Variants in DDX52 observed in about 807,000 individuals in gnomAD.
DDX52 encodes the protein DExD-box helicase 52, also known as probable ATP-dependent RNA helicase DDX52.
Under a neutral mutation model 76.1 loss-of-function variants are expected in DDX52, and 59 were observed. That is an observed-to-expected ratio of 0.78 (90% confidence interval 0.63 to 0.96). The LOEUF is 0.96. DDX52 is among the 40% of genes least tolerant of loss of function. The pLI, the probability that DDX52 is intolerant of heterozygous loss-of-function variation, is 0.00. For synonymous variants in DDX52, 231 were observed against 244.1 expected (o/e 0.95, Z 0.50); for missense variants, 707 against 703.9 (o/e 1.00, Z -0.05).
chr17:37,614,128 G>A lies in DDX52; in HGVS notation c.*168C>T, dbSNP rs1598748777. On this transcript the variant is annotated 3_prime_UTR_variant, in exon 15 of 15. Transcript: ENST00000617633. ...GAAAAAAAAAAGGCACCTACAAATT[G>A]AAACTGACTTGATAGTTTAGGATCA... The A allele has an allele frequency of 4.4e-6, 3 of 681,512 alleles. No individual in the cohort carries two copies. In the East Asian group the frequency reaches 9.5e-5, roughly 22 times the overall value. 42.2% of individuals were successfully genotyped at this position (681,512 alleles called of 1,614,324 possible). A position where few individuals can be genotyped will look rare whatever the true frequency, so the allele number is the denominator to read the frequency against.
chr17:37,636,788 A>G (rs1024336741), intron 2 of DDX52, among the ~76,000 whole-genome samples: 3 of 152,244 alleles, frequency 2.0e-5, no homozygotes, highest in Non-Finnish European at 4.4e-5. Flanking sequence ...AGTCTGTAGC[A>G]GCAGACCACC....
chr17:37,619,626 C>G, intron 13 of DDX52, 142 bp downstream of exon 13: 1 of 647,544 alleles, frequency 1.5e-6, no homozygotes, highest in Non-Finnish European at 2.6e-6. Context: ...GCAGGAGGAT[C>G]ACTTGAGCCT....
chr17:37,614,454 G>A (rs1598748925), intron 14 of DDX52, 101 bp from the exon 15 acceptor site: 1 of 1,147,442 alleles, frequency 8.7e-7, no homozygotes, highest in South Asian at 1.5e-5. Flanking sequence ...GAAACCTACT[G>A]TGTATCAAAT....
At chr17:37,628,767 C>T (rs1244329325) in intron 5 of DDX52, 95 bp from the exon 6 acceptor site, 6 of 865,960 alleles carry the variant, frequency 6.9e-6, no homozygotes, top group Middle Eastern at 2.6e-4. Flanking sequence ...TATTACCAAC[C>T]CATGAATATC....
chr17:37,635,363 C>T lies in DDX52; in HGVS notation c.287-1945G>A, dbSNP rs140217896. ...CACTTCTCCAGATTTCCTCATGACA[C>T]CTTATAATCCATCACTCCATGCATA... On this transcript the variant is annotated intron_variant, in intron 2 of 14. Coordinates refer to ENST00000617633, the MANE Select transcript of DDX52 (RefSeq NM_007010.5). Among the ~76,000 whole-genome samples, 1,123 of 152,350 alleles carry T rather than the reference C, an allele frequency of 7.4e-3. 12 individuals are homozygous for T. The highest frequency in any genetic ancestry group is 0.068 in the Middle Eastern group (20 of 294).
At position 37,611,426 on chromosome 17, in the gene DDX52, A is replaced by G. The variant is rs900981106; in HGVS notation, c.*2870T>C. ...TTCTAGAATAAGGATATAAAGAAAT[A>G]AAGTATTTTTCTACAGCTGTACATT... On this transcript the variant is annotated 3_prime_UTR_variant, in exon 15 of 15. Transcript: ENST00000617633. 1 of 152,212 alleles carries G rather than the reference A, an allele frequency of 6.6e-6. No homozygotes were observed. 9.4% of individuals were successfully genotyped at this position (152,212 alleles called of 1,614,324 possible). A position where few individuals can be genotyped will look rare whatever the true frequency, so the allele number is the denominator to read the frequency against.
chr17:37,617,829 T>C (rs1160039688), intron 14 of DDX52, among the ~76,000 whole-genome samples: 1 of 152,126 alleles, frequency 6.6e-6, no homozygotes, highest in Non-Finnish European at 1.5e-5. Flanking sequence ...ATTCCAATAT[T>C]AAAACAAATT....
intron 3 of DDX52, among the ~76,000 whole-genome samples, chr17:37,632,730 A>ACT (rs2030740831): frequency 6.6e-6 from 1 of 152,194 alleles, no homozygotes; most frequent in Non-Finnish European, 1.5e-5. Context: ...AGAGACAGCC[A>ACT]AATTCTGGTT....
intron 14 of DDX52, among the ~76,000 whole-genome samples, chr17:37,615,756 G>T (rs1323216354): frequency 6.6e-6 from 1 of 152,016 alleles, no homozygotes; most frequent in African/African-American, 2.4e-5. Flanking sequence ...GGCGCGGTGG[G>T]TCATGCCTTA....
At position 37,626,832 on chromosome 17, in the gene DDX52, T is replaced by A. The variant is rs182990482; in HGVS notation, c.888A>T (p.Leu296=). The A allele has an allele frequency of 1.0e-4, 163 of 1,612,138 alleles. No homozygotes were observed. The Admixed American group carries it at 1.4e-3, about 14-fold the overall frequency. The change falls in exon 7 of 15, where the codon CTA becomes CTT. Residue 296 remains leucine (L), a synonymous_variant. Coordinates refer to ENST00000617633, the MANE Select transcript of DDX52 (RefSeq NM_007010.5). ...FDILVTTPNR[L]IYLLKQDPPG... is the part of the protein sequence containing the mutation. The stretch of plus-strand genomic sequence containing the variant: ...GGGGATCTTGCTTTAATAAATAGAT[T>A]AGTCGATTTGGAGTAGTCACAAGAA...
intron 1 of DDX52, chr17:37,642,900 G>A (rs2031268281): frequency 6.2e-6 from 1 of 160,422 alleles, no homozygotes; most frequent in African/African-American, 2.4e-5. Flanking sequence ...AAGCCATGGG[G>A]TTGAAGCAAT....
rs1598762974 is a variant in DDX52 at position 37,631,774 on chromosome 17, G to A, written c.603+339C>T. On this transcript the variant is annotated intron_variant, in intron 4 of 14. Transcript: ENST00000617633. Reference sequence around the variant, plus strand: ...AGAACATAATCCCCATTCTCCAAGGGGTTACACACTAGTAAAATGAAAAAG... The same window carrying A: ...AGAACATAATCCCCATTCTCCAAGGAGTTACACACTAGTAAAATGAAAAAG... 1.1e-5 allele frequency: 3 copies of A among 285,624 alleles called. No individual in the cohort carries two copies. The Admixed American group carries it at 1.4e-4, about 14-fold the overall frequency. 17.7% of individuals were successfully genotyped at this position (285,624 alleles called of 1,614,324 possible).
intron 2 of DDX52, among the ~76,000 whole-genome samples, chr17:37,638,181 G>A (rs2031018660): frequency 6.6e-6 from 1 of 152,218 alleles, no homozygotes; most frequent in Non-Finnish European, 1.5e-5. Flanking sequence ...TTTTTTGGAT[G>A]CTCAAGGCAC....
chr17:37,629,896 G>A, intron 5 of DDX52, 134 bp downstream of exon 5: 1 of 1,184,030 alleles, frequency 8.4e-7, no homozygotes, highest in South Asian at 1.8e-5. Context: ...CCGGAGCACT[G>A]TGCTGTGTAG....
At position 37,621,478 on chromosome 17, in the gene DDX52, T is replaced by G. The variant is rs1406745811; in HGVS notation, c.1270A>C (p.Arg424=). 2 of 1,613,620 alleles carry G rather than the reference T, an allele frequency of 1.2e-6. No homozygotes were observed. Among genetic ancestry groups the G allele is most frequent in the Non-Finnish European group, 1.7e-6 (2 of 1,179,840 alleles). The change falls in exon 10 of 15, where the codon AGG becomes CGG. Residue 424 remains arginine (R), a synonymous_variant. Coordinates refer to ENST00000617633, the MANE Select transcript of DDX52 (RefSeq NM_007010.5). ...PVLVFVQSIE[R]AKELFHELIY... ...AGCTCATGAAAAAGTTCTTTAGCCC[T>G]TTCAATGGACTGAACAAAAACAAGA...
chr17:37,638,857 C>T (rs2031054113), intron 2 of DDX52, among the ~76,000 whole-genome samples: 1 of 151,316 alleles, frequency 6.6e-6, no homozygotes, highest in Non-Finnish European at 1.5e-5. Context: ...GCAACCTCCA[C>T]CTCCTGGGTT....
At chr17:37,615,888 C>T (rs2064419609) in intron 14 of DDX52, among the ~76,000 whole-genome samples, 1 of 151,906 alleles carries the variant, frequency 6.6e-6, no homozygotes, top group Non-Finnish European at 1.5e-5. Context: ...GTGGTGTGTG[C>T]CTGTAATCCC....
chr17:37,632,979 TTTTG>T (rs528737307), intron 3 of DDX52, among the ~76,000 whole-genome samples: 11 of 152,350 alleles, frequency 7.2e-5, no homozygotes, highest in East Asian at 1.9e-4. Flanking sequence ...GGGAGCCAAA[TTTTG>T]TTTGTTTATC....
chr17:37,637,276 C>A (rs768580431), intron 2 of DDX52, among the ~76,000 whole-genome samples: 1 of 152,006 alleles, frequency 6.6e-6, no homozygotes, highest in East Asian at 1.9e-4. Flanking sequence ...AGATTACAGG[C>A]ATGCGCCACC....
Sources: gnomAD v4.1 joint callset for allele counts (sites outside exome capture counted in the v4.1 genomes callset) on GRCh38, gnomAD v4.1.1 for gene constraint, MANE v1.5 for transcripts, NCBI Gene and HGNC (gene_info 2026-07-23, HGNC 2026-07-21) for gene names.